The following PCDHGB6 variants were observed in gnomAD, a reference collection of about 807,000 sequenced individuals.
PCDHGB6 encodes the protein protocadherin gamma-B6.
PCDHGB6 carries 51 observed loss-of-function variants against 59.1 expected under a neutral mutation model. The observed-to-expected ratio is 0.86, with a 90% CI of 0.69 to 1.09. The LOEUF is 1.09. PCDHGB6 is among the 50% of genes least tolerant of loss of function. The pLI is 0.00. For missense variants in PCDHGB6, 1,148 were observed against 1,205.1 expected, an observed-to-expected ratio of 0.95 and a Z score of 0.70; for synonymous variants, 466 against 495.1, an observed-to-expected ratio of 0.94 and a Z score of 0.78.
chr5:141,419,701 C>T (rs1268060859), intron 1 of PCDHGB6: 7 of 1,612,860 alleles, frequency 4.3e-6, no homozygotes, highest in Non-Finnish European at 5.9e-6. Flanking sequence ...CCAGTGAGCC[C>T]GGGCTCTTCA....
At chr5:141,478,332 G>A (rs773442842) in intron 1 of PCDHGB6, 1 of 1,613,924 alleles carries the variant, frequency 6.2e-7, no homozygotes, top group Non-Finnish European at 8.5e-7. Context: ...CGAACACCAG[G>A]GCCCTCCTTG....
chr5:141,490,822 C>T lies in PCDHGB6; in HGVS notation c.2419-3985C>T. ...GCGTACCTTTGACTATGAATTGCTG[C>T]AGATGCTGCAGATTGTGGTGGGGGT... On this transcript the variant is annotated intron_variant, in intron 1 of 3. Coordinates refer to ENST00000520790, the MANE Select transcript of PCDHGB6 (RefSeq NM_018926.3). This position sits in a 1 kb window ranked among gnomAD's most constrained non-coding sequence, Gnocchi z 5.4. 2 of 1,613,842 alleles carry T rather than the reference C, an allele frequency of 1.2e-6. No individual in the cohort carries two copies. Among genetic ancestry groups the T allele is most frequent in the Non-Finnish European group, 1.7e-6 (2 of 1,179,790 alleles).
In PCDHGB6 at chr5:141,409,653, A is replaced by G. The variant is rs763812886; in HGVS notation, c.1451A>G (p.Asn484Ser). 10 of 1,613,542 alleles carry G rather than the reference A, an allele frequency of 6.2e-6. No homozygotes were observed. The East Asian group carries it at 8.9e-5, about 14-fold the overall frequency. ...GCCTCTGACCCGGATTTGGGGCTCAATGGCCACATCTCCTACTCTATAGTG... is the reference window on the plus strand; with the variant it reads ...GCCTCTGACCCGGATTTGGGGCTCAGTGGCCACATCTCCTACTCTATAGTG... Reference protein sequence around the residue: ...VSASDPDLGLNGHISYSIVAS... With the variant: ...VSASDPDLGLSGHISYSIVAS... The change falls in exon 1 of 4, where the codon AAT (asparagine) becomes AGT (serine). Residue 484 changes from asparagine (N) to serine (S), a missense_variant. Physicochemically the swap from Asn to Ser is conservative, Grantham distance 46. Around this residue, in one of 5 missense-constraint regions of PCDHGB6, gnomAD observed 549 missense variants for 527.5 expected, o/e 1.04. Transcript: ENST00000520790.
At chr5:141,423,119 G>T (rs769320490) in intron 1 of PCDHGB6, 2 of 1,613,774 alleles carry the variant, frequency 1.2e-6, no homozygotes, top group Non-Finnish European at 1.7e-6. Context: ...CGTACAGCGC[G>T]GGCACTGCTG....
At chr5:141,508,535 C>CA (rs1426956469) in intron 3 of PCDHGB6, among the ~76,000 whole-genome samples, 1 of 152,172 alleles carries the variant, frequency 6.6e-6, no homozygotes, top group Admixed American at 6.5e-5. Flanking sequence ...GGGCACCCCC[C>CA]ACGAGGTGGG....
chr5:141,490,374 C>T lies in PCDHGB6; in HGVS notation c.2419-4433C>T, dbSNP rs1452417604. 1.2e-6 allele frequency: 2 copies of T among 1,614,082 alleles called. No homozygotes were observed. Among genetic ancestry groups the T allele is most frequent in the Middle Eastern group, 1.6e-4 (1 of 6,084 alleles). ...GGTTGTTTAATGTGCGAGACCGGGA[C>T]TCAGGTAGAAATGGTGAAGTGAGCC... On this transcript the variant is annotated intron_variant, in intron 1 of 3. Coordinates refer to ENST00000520790, the MANE Select transcript of PCDHGB6 (RefSeq NM_018926.3). This position sits in a 1 kb window ranked among gnomAD's most constrained non-coding sequence, Gnocchi z 5.4.
At chr5:141,510,845 C>T (rs2099883036) in intron 3 of PCDHGB6, 102 bp from the exon 4 acceptor site, 3 of 1,593,960 alleles carry the variant, frequency 1.9e-6, no homozygotes, top group Non-Finnish European at 2.6e-6. Context: ...TGGTCAAGGC[C>T]CAGGGTGCTG....
chr5:141,423,753 G>A (rs758300730), intron 1 of PCDHGB6: 1 of 626,096 alleles, frequency 1.6e-6, no homozygotes, highest in Non-Finnish European at 2.0e-6. Context: ...AACTGTTTGG[G>A]GGGGGGGTGG....
At chr5:141,457,940 T>G (rs541807221) in intron 1 of PCDHGB6, among the ~76,000 whole-genome samples, 2 of 152,356 alleles carry the variant, frequency 1.3e-5, no homozygotes, top group East Asian at 3.9e-4. Flanking sequence ...TTTTATTGGC[T>G]CTGCATGTCA....
At chr5:141,445,855 T>C (rs1432695384) in intron 1 of PCDHGB6, among the ~76,000 whole-genome samples, 1 of 152,222 alleles carries the variant, frequency 6.6e-6, no homozygotes, top group Non-Finnish European at 1.5e-5. Flanking sequence ...CTTAAAATTC[T>C]GGATTTTGTT....
chr5:141,422,390 C>T, intron 1 of PCDHGB6: 1 of 1,591,016 alleles, frequency 6.3e-7, no homozygotes, highest in Non-Finnish European at 8.5e-7. Flanking sequence ...TGTTTTATTC[C>T]TAACCACCTG....
chr5:141,415,853 G>A, intron 1 of PCDHGB6: 1 of 1,186,350 alleles, frequency 8.4e-7, no homozygotes, highest in Non-Finnish European at 1.1e-6. Flanking sequence ...GCAGAACCTT[G>A]TAGTTTATAG....
intron 1 of PCDHGB6, chr5:141,471,461 T>C (rs1409374601): frequency 6.6e-6 from 1 of 152,194 alleles, no homozygotes; most frequent in Non-Finnish European, 1.5e-5. Flanking sequence ...GAAAGATTAC[T>C]CAGGTCTCTG....
chr5:141,478,420 C>A, intron 1 of PCDHGB6: 1 of 1,613,676 alleles, frequency 6.2e-7, no homozygotes, highest in Non-Finnish European at 8.5e-7. Context: ...ACTCCCGCCG[C>A]AGCGACCCGC....
At chr5:141,448,069 T>C (rs1184496754) in intron 1 of PCDHGB6, among the ~76,000 whole-genome samples, 1 of 151,202 alleles carries the variant, frequency 6.6e-6, no homozygotes, top group Non-Finnish European at 1.5e-5. Context: ...CTGGGCAACA[T>C]GAACGAAATG....
rs200545713 is a variant in PCDHGB6 at position 141,422,296 on chromosome 5, A to G, written c.2418+11676A>G. 133 of 1,550,704 alleles carry G rather than the reference A, an allele frequency of 8.6e-5. 1 individual carries two copies. The Admixed American group carries it at 2.1e-3, about 25-fold the overall frequency. ...AACTATCACCTCTTCTATTAATTCAATTCTGGAAAACTCTCCTCCAGGTAC... is the reference window on the plus strand; with the variant it reads ...AACTATCACCTCTTCTATTAATTCAGTTCTGGAAAACTCTCCTCCAGGTAC... On this transcript the variant is annotated intron_variant, in intron 1 of 3. Transcript: ENST00000520790.
chr5:141,508,043 T>A (rs2099865910), intron 3 of PCDHGB6: 1 of 152,252 alleles, frequency 6.6e-6, no homozygotes, highest in Non-Finnish European at 1.5e-5. Context: ...CAGCCAGCTG[T>A]GTTCCAGCTA....
At chr5:141,461,819 A>T (rs573339238) in intron 1 of PCDHGB6, among the ~76,000 whole-genome samples, 68 of 149,282 alleles carry the variant, frequency 4.6e-4, no homozygotes, top group Non-Finnish European at 9.5e-4. Flanking sequence ...ACACCCAGCT[A>T]ATTTTTTTTT....
At chr5:141,423,228 CA>C in intron 1 of PCDHGB6, 1 of 1,613,866 alleles carries the variant, frequency 6.2e-7, no homozygotes, top group Non-Finnish European at 8.5e-7. Flanking sequence ...CTGTGGCCGA[CA>C]GCATCCCCGA....
Sources: allele counts gnomAD v4.1 joint callset (sites outside exome capture counted in the v4.1 genomes callset), GRCh38; gene constraint gnomAD v4.1.1; regional missense constraint gnomAD v4.1.1; non-coding constraint Gnocchi (gnomAD v3.1); transcripts MANE v1.5; gene names NCBI Gene and HGNC (gene_info 2026-07-23, HGNC 2026-07-21).